Variants in EFCAB5 observed in about 807,000 individuals in gnomAD.
EFCAB5 encodes EF-hand calcium-binding domain-containing protein 5.
A neutral mutation model predicts 167.9 loss-of-function variants in EFCAB5; 131 were observed. That is an observed-to-expected ratio of 0.78 (90% CI 0.68 to 0.90). EFCAB5 has a LOEUF of 0.90. Among genes scored for constraint, EFCAB5 ranks in the 40% least tolerant of loss-of-function variants. The probability of loss-of-function intolerance (pLI) is 0.00; values close to 1 mark genes in which losing one functional copy is unlikely to be tolerated. For missense variants in EFCAB5, 1,663 were observed against 1,745.2 expected, an observed-to-expected ratio of 0.95 and a Z score of 0.84; for synonymous variants, 574 against 602.8, an observed-to-expected ratio of 0.95 and a Z score of 0.70.
intron 19 of EFCAB5, among the ~76,000 whole-genome samples, chr17:30,087,671 A>G (rs896152904): frequency 1.3e-5 from 2 of 152,014 alleles, no homozygotes; most frequent in Admixed American, 6.5e-5. Context: ...TGTATACCAC[A>G]TTTTCTTTAT....
Position 29,999,834 on chromosome 17 carries a change from G to A in EFCAB5, c.974-72G>A, listed in dbSNP as rs2068624049. The A allele has an allele frequency of 7.5e-6, 8 of 1,060,068 alleles. No individual in the cohort carries two copies. In the South Asian group the frequency reaches 1.1e-4, roughly 15 times the overall value. 65.7% of individuals were successfully genotyped at this position (1,060,068 alleles called of 1,614,324 possible). ...ATAAATAATTTTATGTTCTTTTAAA[G>A]CACTATAGTATAAATATCAAATATA... On this transcript the variant is annotated intron_variant, in intron 6 of 22. Coordinates refer to ENST00000394835, the MANE Select transcript of EFCAB5 (RefSeq NM_198529.4).
chr17:30,017,329 T>C (rs1231594423), intron 7 of EFCAB5, among the ~76,000 whole-genome samples: 1 of 152,178 alleles, frequency 6.6e-6, no homozygotes, highest in East Asian at 1.9e-4. Flanking sequence ...GTAAAAGTGA[T>C]ACAGGACCAT....
chr17:30,060,390 C>G (rs2070395197), intron 14 of EFCAB5, among the ~76,000 whole-genome samples: 1 of 152,028 alleles, frequency 6.6e-6, no homozygotes, highest in South Asian at 2.1e-4. Flanking sequence ...ATATTTTTCT[C>G]TTATGACCAG....
At chr17:29,993,497 C>CA (rs58797894) in intron 5 of EFCAB5, among the ~76,000 whole-genome samples, 176 bp downstream of exon 5, 575 of 130,408 alleles carry the variant, frequency 4.4e-3, no homozygotes, top group African/African-American at 5.7e-3. Flanking sequence ...TGAGCATTAC[C>CA]AAAAAAAAAA....
intron 7 of EFCAB5, among the ~76,000 whole-genome samples, chr17:30,020,942 G>GTAATAAAGGTTACAGTAGAAGA (rs71138867): frequency 1.3e-5 from 2 of 151,784 alleles, no homozygotes; most frequent in African/African-American, 4.8e-5. Context: ...ACAAATTATT[G>GTAATAAAGGTTACAGTAGAAGA]TATCAGCATG....
In EFCAB5 at chr17:30,082,883, C is replaced by T. The variant is rs1279304912; in HGVS notation, c.3427-8C>T. The T allele has an allele frequency of 1.3e-6, 2 of 1,598,766 alleles. No individual in the cohort carries two copies. Among genetic ancestry groups the T allele is most frequent in the Admixed American group, 1.8e-5 (1 of 57,062 alleles). On this transcript the variant is annotated splice_region_variant and splice_polypyrimidine_tract_variant and intron_variant, in intron 17 of 22. Transcript: ENST00000394835. The stretch of plus-strand genomic sequence containing the variant: ...AGAATAGGCTATTTGAATTTTCTGT[C>T]TCTACAGGGTGTTGCTAATGTCTTT...
chr17:29,942,441 A>C, intron 2 of EFCAB5, 139 bp downstream of exon 2: 2 of 689,954 alleles, frequency 2.9e-6, no homozygotes, highest in Non-Finnish European at 4.5e-6. Flanking sequence ...ACTCATGTTG[A>C]TTATTAAGCT....
chr17:29,945,568 GA>G lies in EFCAB5; in HGVS notation c.190+1928del, dbSNP rs990418509. 9.3e-4 allele frequency among the ~76,000 whole-genome samples: 138 copies of G among 148,752 alleles called. 1 individual carries two copies. The highest frequency in any genetic ancestry group is 1.3e-3 in the Non-Finnish European group (90 of 67,004). On this transcript the variant is annotated intron_variant, in intron 3 of 22. Coordinates refer to ENST00000394835, the MANE Select transcript of EFCAB5 (RefSeq NM_198529.4). ...CTCTAAAAAACAATTTTTTTTAAGA[GA>G]AAAAAAAAGGAACCAAACTTTCCTT...
chr17:30,099,280 C>T (rs2071348196), intron 22 of EFCAB5, among the ~76,000 whole-genome samples: 1 of 152,030 alleles, frequency 6.6e-6, no homozygotes, highest in Non-Finnish European at 1.5e-5. Flanking sequence ...GATCCTGTCC[C>T]CACAAAAAAA....
chr17:30,054,348 G>A (rs1333632069), intron 10 of EFCAB5, among the ~76,000 whole-genome samples, 200 bp downstream of exon 10: 1 of 152,116 alleles, frequency 6.6e-6, no homozygotes, highest in African/African-American at 2.4e-5. Context: ...TGAAATGCAA[G>A]CCAGAATGTC....
At chr17:30,033,320 C>T (rs894721287) in intron 7 of EFCAB5, among the ~76,000 whole-genome samples, 3 of 152,088 alleles carry the variant, frequency 2.0e-5, no homozygotes, top group Non-Finnish European at 4.4e-5. Flanking sequence ...CCTTGTGATC[C>T]GCCCGCCTCG....
At chr17:29,985,459 C>G (rs1187075636) in intron 4 of EFCAB5, among the ~76,000 whole-genome samples, 4 of 152,286 alleles carry the variant, frequency 2.6e-5, no homozygotes, top group Admixed American at 2.6e-4. Flanking sequence ...TAAAGACACA[C>G]ACACAGAAAT....
At chr17:29,964,217 G>A (rs868574230) in intron 3 of EFCAB5, among the ~76,000 whole-genome samples, 10 of 152,130 alleles carry the variant, frequency 6.6e-5, no homozygotes, top group Middle Eastern at 3.4e-3. Context: ...AGTCAGTTTA[G>A]GTAATTTCAA....
chr17:30,047,358 C>T (rs2069957051), intron 8 of EFCAB5, among the ~76,000 whole-genome samples: 2 of 152,070 alleles, frequency 1.3e-5, no homozygotes, highest in South Asian at 4.2e-4. Context: ...GAGGGGAGCA[C>T]CAATATCACT....
At chr17:29,939,579 T>A (rs1013067628), upstream of EFCAB5, among the ~76,000 whole-genome samples, 2 of 152,234 alleles carry the variant, frequency 1.3e-5, no homozygotes, top group African/African-American at 2.4e-5. Flanking sequence ...ACGATCTTAG[T>A]TATATCTTTT....
chr17:30,082,439 G>T (rs1597783846), intron 17 of EFCAB5, among the ~76,000 whole-genome samples: 1 of 113,502 alleles, frequency 8.8e-6, no homozygotes, highest in Non-Finnish European at 1.7e-5. Flanking sequence ...TGCCCAGATT[G>T]GAGTGCAGTG....
rs115726821 is a variant in EFCAB5, at chr17:29,990,001, G to A, written c.768-3164G>A. Among the ~76,000 whole-genome samples the A allele has an allele frequency of 4.1e-3, 627 of 152,182 alleles. 5 individuals are homozygous for A. Among genetic ancestry groups the A allele is most frequent in the African/African-American group, 0.014 (595 of 41,522 alleles). On this transcript the variant is annotated intron_variant, in intron 4 of 22. Transcript: ENST00000394835. Reference sequence around the variant, plus strand: ...TTCATGCATCATATGTTGACTTTGAGGACTATATCATTGCTCTGGAATTAG... The same window carrying A: ...TTCATGCATCATATGTTGACTTTGAAGACTATATCATTGCTCTGGAATTAG...
At chr17:30,090,368 A>T in intron 19 of EFCAB5, 53 bp from the exon 20 acceptor site, 1 of 1,585,186 alleles carries the variant, frequency 6.3e-7, no homozygotes, top group Non-Finnish European at 8.6e-7. Context: ...TGGTGGAATG[A>T]TGTGAACAGA....
At chr17:29,958,432 T>C (rs2067659843) in intron 3 of EFCAB5, among the ~76,000 whole-genome samples, 1 of 152,204 alleles carries the variant, frequency 6.6e-6, no homozygotes, top group African/African-American at 2.4e-5. Flanking sequence ...GGGAACATCA[T>C]ACATTCTTCA....
Sources: gnomAD v4.1 joint callset for allele counts (sites outside exome capture counted in the v4.1 genomes callset) on GRCh38, gnomAD v4.1.1 for gene constraint, MANE v1.5 for transcripts, NCBI Gene and HGNC (gene_info 2026-07-23, HGNC 2026-07-21) for gene names.